The following TBC1D8 variants were observed in gnomAD, a reference collection of about 807,000 sequenced individuals.
TBC1D8 encodes the protein TBC1 domain family member 8.
In TBC1D8, 65 loss-of-function variants were observed where a neutral mutation model predicts 118.8. That is an observed-to-expected ratio of 0.55 (90% CI 0.45 to 0.67). TBC1D8 has a LOEUF of 0.67. Ranked by LOEUF, TBC1D8 falls within the 30% of genes least tolerant of loss-of-function variation. The pLI is 0.00. For synonymous variants in TBC1D8, 566 were observed against 595.8 expected (o/e 0.95, Z 0.73); for missense variants, 1,376 against 1,471.2 (o/e 0.94, Z 1.06).
Position 101,033,739 on chromosome 2 carries a change from G to A in TBC1D8, c.1623C>T (p.Ala541=), listed in dbSNP as rs1285764165. ...GATTCCCGTAGTAACCAGGGTGTGA[G>A]GCAAGATCCGTCACCGCATCTGAGT... ...LLFSDAVTDL[A]SHPGYYGNLV... The change falls in exon 10 of 20, where the codon GCC becomes GCT. Residue 541 remains alanine (A), a synonymous_variant. Coordinates refer to ENST00000409318, the MANE Select transcript of TBC1D8 (RefSeq NM_001330348.2). 1.9e-6 allele frequency: 3 copies of A among 1,613,086 alleles called. No homozygotes were observed. The highest frequency in any genetic ancestry group is 2.5e-6 in the Non-Finnish European group (3 of 1,179,122).
intron 19 of TBC1D8, among the ~76,000 whole-genome samples, chr2:101,009,155 A>G (rs934530790): frequency 1.3e-5 from 2 of 152,214 alleles, no homozygotes; most frequent in African/African-American, 4.8e-5. Context: ...GCACTTTGGG[A>G]GGCCAAGGCA....
chr2:101,075,676 C>T (rs1674766980), intron 2 of TBC1D8, among the ~76,000 whole-genome samples: 1 of 152,140 alleles, frequency 6.6e-6, no homozygotes, highest in South Asian at 2.1e-4. Context: ...GCACCTTCTG[C>T]CATGATTGTA....
At chr2:101,130,275 G>A (rs1243532357) in intron 1 of TBC1D8, among the ~76,000 whole-genome samples, 2 of 152,208 alleles carry the variant, frequency 1.3e-5, no homozygotes, top group Admixed American at 6.5e-5. Context: ...AGCGTCGATC[G>A]GGCCAGCTGT....
intron 3 of TBC1D8, among the ~76,000 whole-genome samples, chr2:101,054,802 C>T (rs1682319868): frequency 6.6e-6 from 1 of 150,384 alleles, no homozygotes; most frequent in Non-Finnish European, 1.5e-5. Context: ...CCTGCCTCAG[C>T]CTCCCAAATA....
chr2:101,088,982 CAG>C (rs1304820277), intron 2 of TBC1D8, among the ~76,000 whole-genome samples: 1 of 151,926 alleles, frequency 6.6e-6, no homozygotes, highest in Non-Finnish European at 1.5e-5. Flanking sequence ...AAGATGTTAA[CAG>C]TGATTAGTAT....
chr2:101,077,093 G>A (rs1674884526), intron 2 of TBC1D8, among the ~76,000 whole-genome samples: 2 of 152,122 alleles, frequency 1.3e-5, no homozygotes, highest in Admixed American at 1.3e-4. Context: ...GCATGATCTT[G>A]GCTCACTGCA....
At chr2:101,024,175 T>C (rs73943418) in intron 15 of TBC1D8, 30,517 of 152,050 alleles carry the variant, frequency 0.2, 3,569 homozygotes, top group East Asian at 0.41. Context: ...AACAAACCAC[T>C]ATAAAAATAG....
chr2:101,103,470 C>T (rs1290833026), intron 1 of TBC1D8, among the ~76,000 whole-genome samples: 2 of 151,510 alleles, frequency 1.3e-5, no homozygotes, highest in Non-Finnish European at 2.9e-5. Context: ...CGGCTCACTG[C>T]AAGCTCCGCC....
intron 1 of TBC1D8, among the ~76,000 whole-genome samples, chr2:101,143,296 C>CAG (rs1679192229): frequency 6.6e-6 from 1 of 151,966 alleles, no homozygotes; most frequent in Admixed American, 6.6e-5. Flanking sequence ...CTGCTGACCT[C>CAG]GTGATCTGCC....
chr2:101,079,127 T>C (rs1306018965), intron 2 of TBC1D8, among the ~76,000 whole-genome samples: 10 of 152,170 alleles, frequency 6.6e-5, no homozygotes. Flanking sequence ...GTTATTTTTT[T>C]ATCATTAAGG....
At chr2:101,136,280 G>A (rs1418959351) in intron 1 of TBC1D8, among the ~76,000 whole-genome samples, 1 of 152,152 alleles carries the variant, frequency 6.6e-6, no homozygotes. Flanking sequence ...CACTCTATTA[G>A]TGCCTATAAG....
chr2:101,067,383 C>T (rs563770781), intron 2 of TBC1D8, among the ~76,000 whole-genome samples: 6 of 152,230 alleles, frequency 3.9e-5, no homozygotes, highest in East Asian at 3.9e-4. Context: ...CACAGACTGT[C>T]GTGGGGGACG....
chr2:101,065,314 C>G (rs1169448700), intron 2 of TBC1D8, among the ~76,000 whole-genome samples: 3 of 152,210 alleles, frequency 2.0e-5, no homozygotes, highest in Admixed American at 6.5e-5. Context: ...AAACACTAAC[C>G]ATCTACTGTC....
At chr2:101,038,433 G>C (rs1300414586) in intron 7 of TBC1D8, 28 bp downstream of exon 7, 19 of 1,603,222 alleles carry the variant, frequency 1.2e-5, no homozygotes, top group Non-Finnish European at 1.6e-5. Context: ...ATGAAGAAGG[G>C]GATCATCAGG....
intron 2 of TBC1D8, among the ~76,000 whole-genome samples, chr2:101,073,304 T>TA (rs1366271201): frequency 2.0e-5 from 3 of 150,688 alleles, no homozygotes; most frequent in Non-Finnish European, 3.0e-5. Flanking sequence ...TTATTTATTT[T>TA]TTTTTTTGGA....
intron 1 of TBC1D8, among the ~76,000 whole-genome samples, chr2:101,143,059 TTTCC>T (rs1006772634): frequency 9.9e-6 from 1 of 101,138 alleles, no homozygotes; most frequent in Non-Finnish European, 1.9e-5. Context: ...TTTTCTTTCC[TTTCC>T]TTTTTTTTTT....
chr2:101,052,209 A>G lies in TBC1D8; in HGVS notation c.632-1568T>C, dbSNP rs1013537021. On this transcript the variant is annotated intron_variant, in intron 4 of 19. Coordinates refer to ENST00000409318, the MANE Select transcript of TBC1D8 (RefSeq NM_001330348.2). ...TGGACTTAACATTTAGCCTGTGTCA[A>G]TAACAGTTGTTAGAGTATTAGAAGA... Among the ~76,000 whole-genome samples, 4 of 152,244 alleles carry G rather than the reference A, an allele frequency of 2.6e-5. 1 individual carries two copies. The South Asian group carries it at 8.3e-4, about 31-fold the overall frequency.
chr2:101,054,487 CTCAGCCGTG>C (rs1448355087), intron 3 of TBC1D8, among the ~76,000 whole-genome samples, 151 bp from the exon 4 acceptor site: 2 of 151,328 alleles, frequency 1.3e-5, no homozygotes, highest in Non-Finnish European at 2.9e-5. Context: ...AGGAGAATGG[CTCAGCCGTG>C]TCATCCGTCA....
chr2:101,100,790 A>C (rs1022035661), intron 1 of TBC1D8, among the ~76,000 whole-genome samples: 3 of 152,204 alleles, frequency 2.0e-5, no homozygotes, highest in Admixed American at 2.0e-4. Context: ...CAATCGGGAA[A>C]GGATCTCCTA....
Sources: gnomAD v4.1 joint callset for allele counts (sites outside exome capture counted in the v4.1 genomes callset) on GRCh38, gnomAD v4.1.1 for gene constraint, MANE v1.5 for transcripts, NCBI Gene and HGNC (gene_info 2026-07-23, HGNC 2026-07-21) for gene names.